The following MYCBPAP variants were observed in gnomAD, a reference collection of about 807,000 sequenced individuals.
The protein encoded by MYCBPAP is MYCBP-associated protein.
A neutral mutation model predicts 106.1 loss-of-function variants in MYCBPAP; 60 were observed. The ratio of observed to expected loss-of-function variants is 0.57; its 90% CI spans 0.46 to 0.70. The LOEUF (loss-of-function observed/expected upper bound fraction) is 0.70. Among genes scored for constraint, MYCBPAP ranks in the 30% least tolerant of loss-of-function variants. The pLI is 0.00. For synonymous variants in MYCBPAP, 407 were observed against 440.6 expected (o/e 0.92, Z 0.95); for missense variants, 1,064 against 1,169.3 (o/e 0.91, Z 1.31).
At chr17:50,522,147 G>C in intron 10 of MYCBPAP, 66 bp downstream of exon 10, 3 of 1,266,880 alleles carry the variant, frequency 2.4e-6, no homozygotes, top group Non-Finnish European at 3.4e-6. Flanking sequence ...GAGGTGACTG[G>C]CAGTTACCAG....
intron 1 of MYCBPAP, 200 bp downstream of exon 1, chr17:50,508,950 G>A: frequency 1.4e-6 from 1 of 708,772 alleles, no homozygotes; most frequent in Non-Finnish European, 2.6e-6. Flanking sequence ...GGGCCTTGGG[G>A]ATGGGGACAT....
At chr17:50,529,957 AT>A (rs1040864266) in intron 18 of MYCBPAP, 1 of 426,800 alleles carries the variant, frequency 2.3e-6, no homozygotes, top group South Asian at 1.6e-5. Flanking sequence ...CCACAAAGCC[AT>A]TTTCAATATG....
chr17:50,530,487 C>G (rs1050772329), intron 18 of MYCBPAP, among the ~76,000 whole-genome samples: 6 of 16,672 alleles, frequency 3.6e-4, no homozygotes, highest in Non-Finnish European at 4.6e-4. Flanking sequence ...AAGAGTGAGA[C>G]TCTTACCTCC....
intron 6 of MYCBPAP, 46 bp downstream of exon 6, chr17:50,519,135 A>C: frequency 1.1e-4 from 61 of 568,184 alleles, no homozygotes; most frequent in Middle Eastern, 3.4e-4. Context: ...GGGTCCATGG[A>C]GGAGGGGGCG....
Position 50,524,930 on chromosome 17 carries a change from G to A in MYCBPAP, c.1689G>A (p.Glu563=). 1 of 1,614,088 alleles carries A rather than the reference G, an allele frequency of 6.2e-7. No homozygotes were observed. The highest frequency in any genetic ancestry group is 2.2e-5 in the East Asian group (1 of 44,882). The part of the protein sequence containing the change: ...AVTVVREVLQ[E]LLMGVLTPER... ...CCGTCGTTCGCGAAGTGCTGCAGGA[G>A]CTGCTGATGGGGGTCTTGACCCCGG... The change falls in exon 13 of 19, where the codon GAG becomes GAA. Residue 563 remains glutamate (E), a synonymous_variant. Coordinates refer to ENST00000323776, the MANE Select transcript of MYCBPAP (RefSeq NM_032133.6).
intron 18 of MYCBPAP, chr17:50,529,553 G>A (rs1446181131): frequency 7.9e-6 from 3 of 378,570 alleles, no homozygotes; most frequent in Non-Finnish European, 1.6e-5. Context: ...GAGGGCAGTA[G>A]TGGGGAGCAG....
In MYCBPAP at chr17:50,526,270, G is replaced by A. The variant is rs758662422; in HGVS notation, c.2169+3G>A. On this transcript the variant is annotated splice_donor_region_variant and intron_variant, in intron 14 of 18. Coordinates refer to ENST00000323776, the MANE Select transcript of MYCBPAP (RefSeq NM_032133.6). The stretch of plus-strand genomic sequence containing the variant: ...TCTGCTTGGAGGACTTCAGAAAGGT[G>A]CTTCCAAGACCCTGGAAGGCAATGG... 1.8e-5 allele frequency: 29 copies of A among 1,595,628 alleles called. 1 individual carries two copies. In the South Asian group the frequency reaches 2.6e-4, roughly 14 times the overall value.
chr17:50,517,194 C>A, intron 2 of MYCBPAP, 99 bp from the exon 3 acceptor site: 3 of 1,105,892 alleles, frequency 2.7e-6, no homozygotes, highest in Non-Finnish European at 4.1e-6. Flanking sequence ...GATCTGTCAG[C>A]CTTCAGGAAC....
intron 14 of MYCBPAP, 110 bp downstream of exon 14, chr17:50,526,377 A>C: frequency 3.8e-6 from 4 of 1,043,290 alleles, no homozygotes; most frequent in Non-Finnish European, 5.4e-6. Flanking sequence ...AAAACCTGAG[A>C]GCCCAGAGAA....
rs374873665 is a variant in MYCBPAP at position 50,520,376 on chromosome 17, G to A, written c.916+589G>A. 1.2e-4 allele frequency among the ~76,000 whole-genome samples: 19 copies of A among 152,164 alleles called. No homozygotes were observed. In the South Asian group the frequency reaches 3.5e-3, roughly 28 times the overall value. On this transcript the variant is annotated intron_variant, in intron 7 of 18. Transcript: ENST00000323776. ...AAAAATTAGCTGGGCATGGTGGTGC[G>A]CGCCTAGAATCCCAGCTACTTGGGA...
chr17:50,524,950 C>A lies in MYCBPAP; in HGVS notation c.1709C>A (p.Thr570Asn), dbSNP rs761060297. 1 of 1,614,022 alleles carries A rather than the reference C, an allele frequency of 6.2e-7. No individual in the cohort carries two copies. Among genetic ancestry groups the A allele is most frequent in the Non-Finnish European group, 8.5e-7 (1 of 1,180,030 alleles). The change falls in exon 13 of 19, where the codon ACC (threonine) becomes AAC (asparagine). Residue 570 changes from threonine (T) to asparagine (N), a missense_variant. Transcript: ENST00000323776. ...VLQELLMGVL[T>N]PERTPSPVDA... Reference sequence around the variant, plus strand: ...CAGGAGCTGCTGATGGGGGTCTTGACCCCGGAGCGCACACCATCACCTGTG... The same window carrying A: ...CAGGAGCTGCTGATGGGGGTCTTGAACCCGGAGCGCACACCATCACCTGTG...
At chr17:50,516,821 G>C (rs1031824073) in intron 2 of MYCBPAP, 124 bp downstream of exon 2, 16 of 1,039,112 alleles carry the variant, frequency 1.5e-5, no homozygotes, top group Non-Finnish European at 1.8e-5. Context: ...AAAACCCACT[G>C]AACACAGATT....
Position 50,521,177 on chromosome 17 carries a change from A to G in MYCBPAP, c.984A>G (p.Arg328=), listed in dbSNP as rs780927983. Residue 328 remains arginine, a synonymous_variant, in exon 8 of 19, where the codon CGA becomes CGG. Transcript: ENST00000323776. ...TWDRSLFLIY[R]RKELQRIMEE... ...ATCGGAGTCTGTTTCTGATCTACCG[A>G]CGCAAGGAGCTGCAGAGAATCATGG... The G allele has an allele frequency of 2.5e-6, 4 of 1,613,692 alleles. No homozygotes were observed. The highest frequency in any genetic ancestry group is 3.3e-5 in the Admixed American group (2 of 59,974).
Position 50,519,668 on chromosome 17 carries a change from G to C in MYCBPAP, c.797G>C (p.Arg266Pro). The C allele has an allele frequency of 6.2e-7, 1 of 1,614,074 alleles. No homozygotes were observed. The highest frequency in any genetic ancestry group is 8.5e-7 in the Non-Finnish European group (1 of 1,180,036). ...KSWENSGFWS[R>P]LEYLGDEMTG... ...TGGGAGAACAGTGGGTTCTGGAGTC[G>C]ACTGGAATACTTGGGAGATGAGATG... Residue 266 changes from arginine (R) to proline (P), a missense_variant, in exon 7 of 19, where the codon CGA (arginine) becomes CCA (proline). Transcript: ENST00000323776.
rs111239059 is a variant in MYCBPAP at position 50,525,084 on chromosome 17, C to T, written c.1782+61C>T. 358 of 1,556,924 alleles carry T rather than the reference C, an allele frequency of 2.3e-4. 1 individual carries two copies. The African/African-American group carries it at 4.1e-3, about 18-fold the overall frequency. Reference sequence around the variant, plus strand: ...TGCCCTGCGTCAAGGGTCCCCAACCCGCAGGCCGCACAGCGGCAGGTGAGC... The same window carrying T: ...TGCCCTGCGTCAAGGGTCCCCAACCTGCAGGCCGCACAGCGGCAGGTGAGC... On this transcript the variant is annotated intron_variant, in intron 13 of 18. Transcript: ENST00000323776.
chr17:50,513,240 A>G (rs1366232838), intron 1 of MYCBPAP, among the ~76,000 whole-genome samples: 1 of 148,798 alleles, frequency 6.7e-6, no homozygotes, highest in African/African-American at 2.5e-5. Flanking sequence ...AAAAAAAAAA[A>G]GCTGGGCATG....
At chr17:50,520,754 T>G (rs1365822318) in intron 7 of MYCBPAP, among the ~76,000 whole-genome samples, 3 of 152,184 alleles carry the variant, frequency 2.0e-5, no homozygotes, top group Admixed American at 1.3e-4. Context: ...CCCTCTGGCC[T>G]GTAGTTTCCT....
intron 1 of MYCBPAP, among the ~76,000 whole-genome samples, chr17:50,512,783 C>T (rs1033717951): frequency 2.0e-5 from 3 of 152,170 alleles, no homozygotes; most frequent in South Asian, 2.1e-4. Flanking sequence ...CTTTAAGATA[C>T]ATATATATCC....
At chr17:50,520,474 C>T (rs1462897074) in intron 7 of MYCBPAP, among the ~76,000 whole-genome samples, 1 of 152,114 alleles carries the variant, frequency 6.6e-6, no homozygotes, top group African/African-American at 2.4e-5. Context: ...CATTGCACTC[C>T]AGCCTGGGCA....
Sources: allele counts gnomAD v4.1 joint callset (sites outside exome capture counted in the v4.1 genomes callset), GRCh38; gene constraint gnomAD v4.1.1; transcripts MANE v1.5; gene names NCBI Gene and HGNC (gene_info 2026-07-23, HGNC 2026-07-21).